C6: variants seen among roughly 807,000 people sequenced by gnomAD.
C6 encodes the protein complement component C6.
Under a neutral mutation model 112.9 loss-of-function variants are expected in C6, and 101 were observed. That is an observed-to-expected ratio of 0.89 (90% CI 0.76 to 1.06). The LOEUF (loss-of-function observed/expected upper bound fraction) is 1.06. C6 is among the 50% of genes least tolerant of loss of function. C6 has a pLI of 0.00. For missense variants in C6, 1,202 were observed against 1,104.6 expected (o/e 1.09, Z -1.25); for synonymous variants, 431 against 384.1 (o/e 1.12, Z -1.43).
At chr5:41,169,011 G>T (rs1368143711) in intron 9 of C6, among the ~76,000 whole-genome samples, 1 of 152,062 alleles carries the variant, frequency 6.6e-6, no homozygotes, top group Non-Finnish European at 1.5e-5. Context: ...GCCTGAAGAA[G>T]GTGAGAAAGT....
chr5:41,185,998 T>C (rs942434839), intron 6 of C6, 72 bp downstream of exon 6: 43 of 1,575,480 alleles, frequency 2.7e-5, no homozygotes, highest in Non-Finnish European at 3.4e-5. Context: ...CATTCATCAC[T>C]AATTTTGCAT....
chr5:41,179,824 A>G (rs1307886447), intron 7 of C6, among the ~76,000 whole-genome samples: 1 of 150,960 alleles, frequency 6.6e-6, no homozygotes, highest in Non-Finnish European at 1.5e-5. Context: ...ATGAATGAAT[A>G]AAGAGTCAAA....
In C6 at chr5:41,164,401, T is replaced by C. The variant is rs554038417; in HGVS notation, c.1292-2542A>G. On this transcript the variant is annotated intron_variant, in intron 9 of 17. Coordinates refer to ENST00000337836, the MANE Select transcript of C6 (RefSeq NM_000065.5). ...CATGGGCACACCATGGGCAAGGACC[T>C]GGAGTCAGGGCCGTTGTGCCATGCT... is the stretch of plus-strand genomic sequence containing the variant. Among the ~76,000 whole-genome samples the C allele has an allele frequency of 9.2e-5, 14 of 152,258 alleles. No homozygotes were observed. The East Asian group carries it at 2.3e-3, about 25-fold the overall frequency.
intron 6 of C6, among the ~76,000 whole-genome samples, chr5:41,184,232 C>T (rs934122174): frequency 5.3e-5 from 8 of 152,058 alleles, no homozygotes; most frequent in Admixed American, 3.3e-4. Context: ...GGGTCCAGCA[C>T]ATCATTGTCT....
chr5:41,145,034 T>C (rs1161973269), intron 17 of C6, among the ~76,000 whole-genome samples: 1 of 152,230 alleles, frequency 6.6e-6, no homozygotes, highest in African/African-American at 2.4e-5. Flanking sequence ...TAAATGGTGC[T>C]ACAATAAAAT....
intron 15 of C6, among the ~76,000 whole-genome samples, chr5:41,152,142 G>A (rs1351122608): frequency 6.6e-6 from 1 of 152,142 alleles, no homozygotes; most frequent in Non-Finnish European, 1.5e-5. Context: ...GCTGAGACAA[G>A]TATTCTGAAG....
chr5:41,159,988 C>T (rs1747318824), intron 11 of C6, among the ~76,000 whole-genome samples, 154 bp downstream of exon 11: 1 of 152,122 alleles, frequency 6.6e-6, no homozygotes, highest in African/African-American at 2.4e-5. Context: ...TAGGTTACAG[C>T]TGAGACTCAC....
At chr5:41,223,052 A>T (rs1739277045) in intron 1 of C6, among the ~76,000 whole-genome samples, 1 of 152,234 alleles carries the variant, frequency 6.6e-6, no homozygotes, top group African/African-American at 2.4e-5. Context: ...GATCTAAATT[A>T]TGTAATTTAT....
intron 1 of C6, among the ~76,000 whole-genome samples, chr5:41,254,105 A>G (rs554800512): frequency 1.3e-4 from 20 of 152,336 alleles, no homozygotes; most frequent in Non-Finnish European, 2.8e-4. Context: ...TACATAGAAA[A>G]GAAAGAATAG....
At chr5:41,195,528 T>C (rs1191671735) in intron 5 of C6, among the ~76,000 whole-genome samples, 1 of 152,188 alleles carries the variant, frequency 6.6e-6, no homozygotes, top group African/African-American at 2.4e-5. Context: ...GAGAGATGTA[T>C]GAGAAATAAA....
chr5:41,190,010 T>C (rs1342378672), intron 5 of C6, among the ~76,000 whole-genome samples: 1 of 152,210 alleles, frequency 6.6e-6, no homozygotes, highest in African/African-American at 2.4e-5. Flanking sequence ...CATTCATCTG[T>C]TGATGGACAC....
intron 16 of C6, 124 bp downstream of exon 16, chr5:41,149,811 T>C (rs961481463): frequency 4.9e-5 from 37 of 748,736 alleles, no homozygotes; most frequent in South Asian, 1.9e-4. Flanking sequence ...CACAGGAATA[T>C]CAGTTATGTG....
intron 1 of C6, chr5:41,203,601 T>C (rs1751203668): frequency 3.9e-6 from 1 of 255,146 alleles, no homozygotes; most frequent in South Asian, 4.6e-5. Flanking sequence ...CCTGCTCCTT[T>C]TGTGTGAGCA....
intron 9 of C6, among the ~76,000 whole-genome samples, chr5:41,171,087 C>A (rs1748390495): frequency 6.6e-6 from 1 of 152,124 alleles, no homozygotes; most frequent in Admixed American, 6.6e-5. Context: ...ACTTAGGGGG[C>A]TTCTAAGATA....
chr5:41,234,337 C>CT (rs1740100456), intron 1 of C6, among the ~76,000 whole-genome samples: 1 of 139,124 alleles, frequency 7.2e-6, no homozygotes, highest in African/African-American at 2.9e-5. Flanking sequence ...TCTACCCTTT[C>CT]GTTTTTTTTT....
chr5:41,253,613 A>G (rs1041194231), intron 1 of C6, among the ~76,000 whole-genome samples: 1 of 152,184 alleles, frequency 6.6e-6, no homozygotes, highest in African/African-American at 2.4e-5. Context: ...ACTGCTCTAT[A>G]GAGTGTAGGG....
chr5:41,239,256 C>A (rs1740544173), intron 1 of C6, among the ~76,000 whole-genome samples: 1 of 151,510 alleles, frequency 6.6e-6, no homozygotes, highest in Non-Finnish European at 1.5e-5. Flanking sequence ...GGGTTACAGG[C>A]CCGTGCCACC....
chr5:41,221,367 C>T (rs189940445), intron 1 of C6, among the ~76,000 whole-genome samples: 13 of 152,270 alleles, frequency 8.5e-5, no homozygotes, highest in African/African-American at 3.1e-4. Context: ...GAAATATTCT[C>T]AGTTATTACA....
chr5:41,250,281 A>C (rs765068700), intron 1 of C6, among the ~76,000 whole-genome samples: 6 of 152,180 alleles, frequency 3.9e-5, no homozygotes, highest in Non-Finnish European at 5.9e-5. Flanking sequence ...CGGAATTTGC[A>C]TATGTCACAT....
Sources: allele counts gnomAD v4.1 joint callset (sites outside exome capture counted in the v4.1 genomes callset), GRCh38; gene constraint gnomAD v4.1.1; transcripts MANE v1.5; gene names NCBI Gene and HGNC (gene_info 2026-07-23, HGNC 2026-07-21).